GMDS: variants seen among roughly 807,000 people sequenced by gnomAD.
The protein encoded by GMDS is GDP-mannose 4,6-dehydratase, also known as GDP-mannose 4,6 dehydratase.
In GMDS, 20 loss-of-function variants were observed where a neutral mutation model predicts 49.9. That is an observed-to-expected ratio of 0.40 (90% confidence interval 0.28 to 0.58). The LOEUF (loss-of-function observed/expected upper bound fraction) is 0.58. Ranked by LOEUF, GMDS falls within the 20% of genes least tolerant of loss-of-function variation. The pLI is 0.42. For synonymous variants in GMDS, 177 were observed against 178.6 expected (o/e 0.99, Z 0.07); for missense variants, 362 against 481.4 (o/e 0.75, Z 2.32).
At chr6:2,161,780 T>G (rs1260100421) in intron 1 of GMDS, among the ~76,000 whole-genome samples, 5 of 152,238 alleles carry the variant, frequency 3.3e-5, no homozygotes, top group Admixed American at 3.3e-4. Context: ...AAACTGTCCC[T>G]GAAACACAAA....
At chr6:1,671,376 C>G (rs1764416167) in intron 9 of GMDS, among the ~76,000 whole-genome samples, 1 of 149,036 alleles carries the variant, frequency 6.7e-6, no homozygotes, top group South Asian at 2.1e-4. Flanking sequence ...TCTGGGAAGC[C>G]CCACAATCTT....
chr6:1,735,124 C>A (rs1336835613), intron 8 of GMDS, among the ~76,000 whole-genome samples: 1 of 152,164 alleles, frequency 6.6e-6, no homozygotes, highest in African/African-American at 2.4e-5. Context: ...TCCTGAGGGG[C>A]CACAGTGAGT....
intron 7 of GMDS, among the ~76,000 whole-genome samples, chr6:1,881,137 A>C (rs1759342450): frequency 6.6e-6 from 1 of 152,202 alleles, no homozygotes; most frequent in Non-Finnish European, 1.5e-5. Context: ...ATTAATTTAA[A>C]AACAGGCAGG....
intron 1 of GMDS, among the ~76,000 whole-genome samples, chr6:2,171,340 C>G (rs777665869): frequency 6.6e-6 from 1 of 152,216 alleles, no homozygotes; most frequent in Non-Finnish European, 1.5e-5. Context: ...CCCATTCGGT[C>G]TGCTATAACA....
chr6:1,843,840 C>G (rs1581247703), intron 7 of GMDS, among the ~76,000 whole-genome samples: 1 of 152,100 alleles, frequency 6.6e-6, no homozygotes, highest in East Asian at 1.9e-4. Context: ...AACAGGGTAG[C>G]CTCTGATGCT....
chr6:1,955,894 T>C (rs1452245489), intron 6 of GMDS, among the ~76,000 whole-genome samples: 1 of 152,194 alleles, frequency 6.6e-6, no homozygotes, highest in Non-Finnish European at 1.5e-5. Flanking sequence ...CAAACTATGC[T>C]ACATGTATAT....
intron 4 of GMDS, among the ~76,000 whole-genome samples, chr6:2,104,089 G>A (rs998400356): frequency 6.6e-6 from 1 of 152,166 alleles, no homozygotes; most frequent in African/African-American, 2.4e-5. Context: ...CACAGTGCCC[G>A]CAGGCAGCAG....
At chr6:2,109,677 G>C (rs1774436676) in intron 4 of GMDS, among the ~76,000 whole-genome samples, 1 of 152,184 alleles carries the variant, frequency 6.6e-6, no homozygotes, top group Admixed American at 6.5e-5. Context: ...TGATAACCTT[G>C]CCTGGACCAT....
intron 4 of GMDS, among the ~76,000 whole-genome samples, chr6:1,989,378 G>A (rs1765779374): frequency 6.6e-6 from 1 of 152,068 alleles, no homozygotes; most frequent in Non-Finnish European, 1.5e-5. Flanking sequence ...ATGTGGTCAA[G>A]GTCAGGGAAA....
At chr6:1,917,216 A>C (rs1345267699) in intron 7 of GMDS, among the ~76,000 whole-genome samples, 2 of 152,220 alleles carry the variant, frequency 1.3e-5, no homozygotes, top group Non-Finnish European at 2.9e-5. Flanking sequence ...GTCACTAAAA[A>C]AAAATGACTT....
intron 7 of GMDS, among the ~76,000 whole-genome samples, chr6:1,754,060 C>T (rs1037175982): frequency 6.6e-6 from 1 of 152,138 alleles, no homozygotes; most frequent in African/African-American, 2.4e-5. Flanking sequence ...AGATTAGAGA[C>T]ATGAAAAACC....
At position 1,640,316 on chromosome 6, in the gene GMDS, G is replaced by A. The variant is rs762221202; in HGVS notation, c.988-15776C>T. 5.9e-5 allele frequency among the ~76,000 whole-genome samples: 9 copies of A among 152,194 alleles called. No individual in the cohort carries two copies. Among genetic ancestry groups the A allele is most frequent in the Non-Finnish European group, 1.3e-4 (9 of 68,030 alleles). On this transcript the variant is annotated intron_variant, in intron 9 of 10. Transcript: ENST00000380815. This position sits in a 1 kb window ranked among gnomAD's most constrained non-coding sequence, Gnocchi z 4.0. ...GAAGCACATGGGATTTAGGGTCACA[G>A]AGACTTAGGTTGACACTAGATTCAC...
intron 7 of GMDS, among the ~76,000 whole-genome samples, chr6:1,839,122 T>C (rs531104194): frequency 3.9e-5 from 6 of 152,100 alleles, no homozygotes; most frequent in African/African-American, 4.8e-5. Context: ...GGTTGGTAAT[T>C]ATTAATCACA....
At chr6:1,845,169 C>A (rs540197789) in intron 7 of GMDS, among the ~76,000 whole-genome samples, 1 of 152,270 alleles carries the variant, frequency 6.6e-6, no homozygotes, top group South Asian at 2.1e-4. Flanking sequence ...GAGATTGAGG[C>A]AATTTGTCAA....
intron 1 of GMDS, among the ~76,000 whole-genome samples, chr6:2,216,298 T>A (rs1780330810): frequency 6.6e-6 from 1 of 152,222 alleles, no homozygotes; most frequent in Non-Finnish European, 1.5e-5. Flanking sequence ...CATAATGTGT[T>A]TAAACTCAAT....
chr6:1,704,672 C>T (rs577073838), intron 9 of GMDS, among the ~76,000 whole-genome samples: 4 of 152,292 alleles, frequency 2.6e-5, no homozygotes, highest in East Asian at 1.9e-4. Context: ...GTGTGTAATA[C>T]GTACGCGGTA....
intron 9 of GMDS, among the ~76,000 whole-genome samples, chr6:1,667,724 C>T (rs1291578673): frequency 6.7e-6 from 1 of 149,276 alleles, no homozygotes; most frequent in South Asian, 2.1e-4. Context: ...TGGTCTGAGA[C>T]ACTTTTGTAT....
At position 2,221,435 on chromosome 6, in the gene GMDS, C is replaced by T. The variant is rs112923323; in HGVS notation, c.102+23886G>A. The stretch of plus-strand genomic sequence containing the variant: ...TTGCTCTGTCACCCAGGCTAGAGTG[C>T]GGTGGCGCAATCTCGGCTCACTGCA... On this transcript the variant is annotated intron_variant, in intron 1 of 10. Coordinates refer to ENST00000380815, the MANE Select transcript of GMDS (RefSeq NM_001500.4). Among the ~76,000 whole-genome samples, 75 of 152,080 alleles carry T rather than the reference C, an allele frequency of 4.9e-4. 1 individual carries two copies. Among genetic ancestry groups the T allele is most frequent in the Middle Eastern group, 6.8e-3 (2 of 294 alleles).
intron 6 of GMDS, among the ~76,000 whole-genome samples, chr6:1,954,294 T>TA (rs1248358369): frequency 6.6e-6 from 1 of 152,246 alleles, no homozygotes; most frequent in Non-Finnish European, 1.5e-5. Flanking sequence ...ATCTGTGCCT[T>TA]TTGCTGGTAG....
Sources: gnomAD v4.1 joint callset for allele counts (sites outside exome capture counted in the v4.1 genomes callset) on GRCh38, gnomAD v4.1.1 for gene constraint, Gnocchi (gnomAD v3.1) non-coding constraint, MANE v1.5 for transcripts, NCBI Gene and HGNC (gene_info 2026-07-23, HGNC 2026-07-21) for gene names.